C1orf141: variants seen among roughly 807,000 people sequenced by gnomAD.
C1orf141 encodes the protein chromosome 1 open reading frame 141.
In C1orf141, 19 loss-of-function variants were observed where a neutral mutation model predicts 23.2. The observed-to-expected ratio is 0.82, with a 90% confidence interval of 0.57 to 1.20. The LOEUF (loss-of-function observed/expected upper bound fraction) is 1.20. Among genes scored for constraint, C1orf141 ranks in the 50% most tolerant of loss-of-function variants. The pLI, the probability that C1orf141 is intolerant of heterozygous loss-of-function variation, is 0.00. For synonymous variants in C1orf141, 153 were observed against 154.6 expected, an observed-to-expected ratio of 0.99 and a Z score of 0.08; for missense variants, 469 against 455.1, an observed-to-expected ratio of 1.03 and a Z score of -0.28.
At chr1:67,099,069 T>C (rs1268507981) in intron 5 of C1orf141, among the ~76,000 whole-genome samples, 1 of 152,202 alleles carries the variant, frequency 6.6e-6, no homozygotes, top group Non-Finnish European at 1.5e-5. Flanking sequence ...AAAGAATCTA[T>C]ATTTGAAGAG....
intron 5 of C1orf141, among the ~76,000 whole-genome samples, chr1:67,110,783 TTAAA>T (rs199953321): frequency 0.011 from 1,664 of 151,592 alleles, 32 homozygotes; most frequent in African/African-American, 0.038. Context: ...AAACATGAAA[TTAAA>T]TAAACCATGT....
chr1:67,111,554 C>G, intron 5 of C1orf141: 1 of 965,130 alleles, frequency 1.0e-6, no homozygotes, highest in Non-Finnish European at 1.4e-6. Context: ...TAAGTAATTA[C>G]TGAGTATACA....
chr1:67,115,116 A>G (rs1026461718), intron 5 of C1orf141, among the ~76,000 whole-genome samples: 2 of 150,430 alleles, frequency 1.3e-5, no homozygotes, highest in Non-Finnish European at 2.9e-5. Context: ...CTAGAAGAAA[A>G]CAACACATAA....
intron 4 of C1orf141, chr1:67,123,311 T>A (rs1159966875): frequency 6.6e-6 from 1 of 152,040 alleles, no homozygotes; most frequent in Non-Finnish European, 1.5e-5. Context: ...TTTTTAGTCC[T>A]CCAACAAATG....
At chr1:67,094,229 A>G (rs1417955244) in intron 7 of C1orf141, 4 of 152,206 alleles carry the variant, frequency 2.6e-5, no homozygotes, top group Non-Finnish European at 5.9e-5. Flanking sequence ...CAAGTCTGCT[A>G]TGATTACTGA....
At chr1:67,112,083 C>CA (rs1412365520) in intron 5 of C1orf141, among the ~76,000 whole-genome samples, 14 of 152,140 alleles carry the variant, frequency 9.2e-5, no homozygotes, top group Admixed American at 4.6e-4. Flanking sequence ...AGGGGTCAGG[C>CA]ATACAGACTT....
At chr1:67,106,572 C>T (rs978655798) in intron 5 of C1orf141, among the ~76,000 whole-genome samples, 1 of 152,110 alleles carries the variant, frequency 6.6e-6, no homozygotes, top group African/African-American at 2.4e-5. Context: ...ACAGGAGAAT[C>T]GCTTGAACCT....
chr1:67,093,364 T>C lies in C1orf141; in HGVS notation c.844A>G (p.Ile282Val), dbSNP rs550611786. 1.2e-5 allele frequency: 20 copies of C among 1,613,838 alleles called. No individual in the cohort carries two copies. The South Asian group carries it at 2.2e-4, about 18-fold the overall frequency. ...TGGCCCGCTTTAAAAGACATAGGGA[T>C]CTGTATATCTTTTCTCTGTACTGTA... ...MPTVQRKDIQ[I>V]PMSFKAGHTT... is the part of the protein sequence containing the mutation. The change falls in exon 8 of 8, where the codon ATC becomes GTC. Residue 282 changes from isoleucine (I) to valine (V), a missense_variant. Ile to Val is a conservative substitution (Grantham distance 29). This residue lies in a region of C1orf141 where 370 missense variants were observed against 348.1 expected (regional missense o/e 1.06). Transcript: ENST00000684719.
At position 67,125,928 on chromosome 1, in the gene C1orf141, G is replaced by T. The variant is rs1267961819; in HGVS notation, c.76-19C>A. On this transcript the variant is annotated intron_variant, in intron 3 of 7. Coordinates refer to ENST00000684719, the MANE Select transcript of C1orf141 (RefSeq NM_001276351.2). ...TGTTTATCTGCAGCAATGCCAAAGT[G>T]AAAAAAAAAAAAAAAAAAAGAGTAC... The T allele has an allele frequency of 1.2e-3, 1,476 of 1,182,632 alleles. No individual in the cohort carries two copies. Among genetic ancestry groups the T allele is most frequent in the Non-Finnish European group, 1.3e-3 (1,168 of 921,026 alleles). 73.3% of individuals were successfully genotyped at this position (1,182,632 alleles called of 1,614,324 possible). A position where few individuals can be genotyped will look rare whatever the true frequency, so the allele number is the denominator to read the frequency against.
At chr1:67,124,452 A>G (rs1424100306) in intron 4 of C1orf141, among the ~76,000 whole-genome samples, 1 of 152,158 alleles carries the variant, frequency 6.6e-6, no homozygotes, top group African/African-American at 2.4e-5. Context: ...AGCTGGGACT[A>G]CAGGCATGCA....
intron 5 of C1orf141, among the ~76,000 whole-genome samples, chr1:67,106,196 T>C (rs1423810814): frequency 6.6e-6 from 1 of 152,148 alleles, no homozygotes; most frequent in African/African-American, 2.4e-5. Context: ...TGCAGAGTCT[T>C]CACAATACAA....
rs751698238 is a variant in C1orf141 at position 67,095,297 on chromosome 1, A to G, written c.541T>C (p.Leu181=). The G allele has an allele frequency of 3.4e-5, 55 of 1,608,164 alleles. No homozygotes were observed. Among genetic ancestry groups the G allele is most frequent in the South Asian group, 6.7e-5 (6 of 90,192 alleles). Residue 181 remains leucine (L), a synonymous_variant, in exon 7 of 8, where the codon TTG becomes CTG. Coordinates refer to ENST00000684719, the MANE Select transcript of C1orf141 (RefSeq NM_001276351.2). ...ACTATCTTGGCATGTGGATTTTTCA[A>G]TTCATCCTCAAAGCACAACGGGAGC... The part of the protein sequence containing the change: ...SLLPLCFEDE[L]KNPHAKIVNV...
At chr1:67,141,560 C>T (rs1464691362) in intron 1 of C1orf141, among the ~76,000 whole-genome samples, 1 of 152,012 alleles carries the variant, frequency 6.6e-6, no homozygotes, top group Non-Finnish European at 1.5e-5. Flanking sequence ...GAGATCAAGA[C>T]CAGCGTAGGC....
At chr1:67,112,528 C>T (rs1646095470) in intron 5 of C1orf141, among the ~76,000 whole-genome samples, 1 of 151,950 alleles carries the variant, frequency 6.6e-6, no homozygotes, top group South Asian at 2.1e-4. Context: ...ATGGTGAAAC[C>T]CTGTCTCTAA....
chr1:67,134,573 C>A (rs1646565551), intron 1 of C1orf141, among the ~76,000 whole-genome samples: 1 of 152,322 alleles, frequency 6.6e-6, no homozygotes, highest in Non-Finnish European at 1.5e-5. Flanking sequence ...CCCCCAGGTG[C>A]CTCCATCTCG....
At chr1:67,109,770 C>T (rs1332084639) in intron 5 of C1orf141, among the ~76,000 whole-genome samples, 2 of 151,902 alleles carry the variant, frequency 1.3e-5, no homozygotes, top group East Asian at 3.9e-4. Flanking sequence ...GCTTGAGGCA[C>T]ATATGCAATT....
intron 4 of C1orf141, among the ~76,000 whole-genome samples, chr1:67,117,814 A>G (rs1404126419): frequency 1.3e-5 from 2 of 152,226 alleles, no homozygotes; most frequent in African/African-American, 4.8e-5. Flanking sequence ...AAAGATATTC[A>G]GATATGAATT....
upstream of C1orf141, chr1:67,139,156 G>A (rs1646611287): frequency 6.6e-6 from 1 of 152,200 alleles, no homozygotes; most frequent in Non-Finnish European, 1.5e-5. Context: ...CAGCTAACAT[G>A]ATCCAGTAAG....
At chr1:67,111,628 A>T in intron 5 of C1orf141, 2 of 1,393,978 alleles carry the variant, frequency 1.4e-6, no homozygotes, top group Non-Finnish European at 1.9e-6. Context: ...TTGATTTTAG[A>T]TGTTCTTCTA....
Sources: gnomAD v4.1 joint callset for allele counts (sites outside exome capture counted in the v4.1 genomes callset) on GRCh38, gnomAD v4.1.1 for gene constraint, gnomAD v4.1.1 regional missense constraint, MANE v1.5 for transcripts, NCBI Gene and HGNC (gene_info 2026-07-23, HGNC 2026-07-21) for gene names.